The following SMARCA2 variants were observed in gnomAD, a reference collection of about 807,000 sequenced individuals.
The protein encoded by SMARCA2 is SWI/SNF-related matrix-associated actin-dependent regulator of chromatin subfamily A member 2.
A neutral mutation model predicts 199.8 loss-of-function variants in SMARCA2; 61 were observed. That is an observed-to-expected ratio of 0.31 (90% CI 0.25 to 0.38). The LOEUF is 0.38. Among genes scored for constraint, SMARCA2 ranks in the 10% least tolerant of loss-of-function variants. SMARCA2 has a pLI of 1.00. For synonymous variants in SMARCA2, 935 were observed against 732.0 expected, an observed-to-expected ratio of 1.28 and a Z score of -4.48; for missense variants, 1,344 against 2,012.2, an observed-to-expected ratio of 0.67 and a Z score of 6.35.
At chr9:2,160,619 G>A in intron 27 of SMARCA2, 1 of 702,212 alleles carries the variant, frequency 1.4e-6, no homozygotes, top group Non-Finnish European at 2.6e-6. Flanking sequence ...GAGAAATGAA[G>A]GTAATTGCCT....
chr9:2,157,583 A>C (rs570041553), intron 27 of SMARCA2: 1 of 278,696 alleles, frequency 3.6e-6, no homozygotes, highest in East Asian at 6.0e-5. Flanking sequence ...CACATGGAAG[A>C]AATTTCCATG....
At chr9:2,018,382 T>C (rs1215134616) in intron 1 of SMARCA2, among the ~76,000 whole-genome samples, 1 of 152,160 alleles carries the variant, frequency 6.6e-6, no homozygotes, top group African/African-American at 2.4e-5. Context: ...CCTAACCTGA[T>C]GGAGGTTGGT....
rs965262490 is a variant in SMARCA2 at position 2,193,026 on chromosome 9, G to A, written c.*287G>A. ...ATGTGGGTGGATAGTATATTTCTAT[G>A]GGTGGGTCTAATTTGGTAACGGTTT... On this transcript the variant is annotated 3_prime_UTR_variant, in exon 34 of 34. Coordinates refer to ENST00000349721, the MANE Select transcript of SMARCA2 (RefSeq NM_003070.5). 2.9e-5 allele frequency: 10 copies of A among 346,654 alleles called. No homozygotes were observed. Among genetic ancestry groups the A allele is most frequent in the Non-Finnish European group, 5.2e-5 (10 of 193,580 alleles). The allele number at this position is 346,654 out of a possible 1,614,324, so 21.5% of individuals were successfully genotyped here.
intron 23 of SMARCA2, among the ~76,000 whole-genome samples, chr9:2,109,245 A>G (rs756310907): frequency 5.3e-5 from 8 of 152,238 alleles, no homozygotes; most frequent in Non-Finnish European, 8.8e-5. Flanking sequence ...TGTAACATGC[A>G]TACATATTTC....
chr9:2,060,462 A>G (rs912778508), intron 8 of SMARCA2, among the ~76,000 whole-genome samples: 1 of 152,224 alleles, frequency 6.6e-6, no homozygotes, highest in African/African-American at 2.4e-5. Context: ...TCTAAAATAT[A>G]GAGTTAAAGA....
intron 27 of SMARCA2, among the ~76,000 whole-genome samples, chr9:2,129,457 G>A (rs1823843902): frequency 6.6e-6 from 1 of 152,132 alleles, no homozygotes; most frequent in South Asian, 2.1e-4. Flanking sequence ...AGCACAGCAT[G>A]CAGTCTGGGA....
intron 25 of SMARCA2, among the ~76,000 whole-genome samples, chr9:2,116,954 T>C (rs1456823608): frequency 6.6e-6 from 1 of 152,220 alleles, no homozygotes; most frequent in Admixed American, 6.5e-5. Flanking sequence ...TTAAATAGGA[T>C]ATGTGTTTTT....
intron 27 of SMARCA2, chr9:2,160,038 C>A: frequency 8.1e-7 from 1 of 1,229,472 alleles, no homozygotes; most frequent in Non-Finnish European, 1.1e-6. Context: ...TTGAGGAGAG[C>A]AATACCATTA....
intron 23 of SMARCA2, among the ~76,000 whole-genome samples, chr9:2,107,316 TATTTAATTTA>T (rs1472158458): frequency 6.6e-6 from 1 of 152,166 alleles, no homozygotes; most frequent in Non-Finnish European, 1.5e-5. Context: ...TTATACAGTT[TATTTAATTTA>T]ATTTTATTTT....
chr9:2,174,981 G>C (rs181028309), intron 29 of SMARCA2, among the ~76,000 whole-genome samples: 1 of 145,832 alleles, frequency 6.9e-6, no homozygotes, highest in Admixed American at 6.9e-5. Flanking sequence ...AAGGATCAAA[G>C]GACAGGATAT....
chr9:2,189,579 G>A (rs1462699037), intron 32 of SMARCA2, among the ~76,000 whole-genome samples: 3 of 151,732 alleles, frequency 2.0e-5, no homozygotes, highest in Admixed American at 1.3e-4. Context: ...TATTTCTTTC[G>A]ACGTCCTACA....
chr9:2,111,400 G>A (rs139150977), intron 24 of SMARCA2, among the ~76,000 whole-genome samples: 524 of 151,062 alleles, frequency 3.5e-3, no homozygotes, highest in African/African-American at 0.012. Context: ...GCTGAGGTGG[G>A]AGGATTGTTT....
chr9:2,038,250 T>C (rs1819419168), intron 3 of SMARCA2, among the ~76,000 whole-genome samples: 1 of 152,238 alleles, frequency 6.6e-6, no homozygotes, highest in South Asian at 2.1e-4. Flanking sequence ...TGGTTTACTC[T>C]CTGAGCCTCA....
chr9:2,074,620 A>AT (rs1179765561), intron 12 of SMARCA2, among the ~76,000 whole-genome samples: 2 of 152,252 alleles, frequency 1.3e-5, no homozygotes, highest in Non-Finnish European at 2.9e-5. Flanking sequence ...TAATCCCAGC[A>AT]TTTTGGGAAG....
At chr9:2,142,927 T>G (rs1824535404) in intron 27 of SMARCA2, among the ~76,000 whole-genome samples, 1 of 152,130 alleles carries the variant, frequency 6.6e-6, no homozygotes, top group African/African-American at 2.4e-5. Flanking sequence ...CATTGGTGAG[T>G]AAGGCATCAA....
At chr9:2,131,278 C>A (rs566350747) in intron 27 of SMARCA2, among the ~76,000 whole-genome samples, 1 of 152,136 alleles carries the variant, frequency 6.6e-6, no homozygotes, top group East Asian at 1.9e-4. Flanking sequence ...CTCTTGTTAC[C>A]TTTCTTACGG....
chr9:2,168,925 C>CAATCT (rs1381777707), intron 28 of SMARCA2, among the ~76,000 whole-genome samples: 2 of 152,132 alleles, frequency 1.3e-5, no homozygotes, highest in African/African-American at 4.8e-5. Flanking sequence ...GAGTTAGTTA[C>CAATCT]AATCTACTCT....
chr9:2,167,646 C>T (rs1826001663), intron 28 of SMARCA2, among the ~76,000 whole-genome samples: 1 of 152,188 alleles, frequency 6.6e-6, no homozygotes, highest in African/African-American at 2.4e-5. Context: ...TTCTTCTTGC[C>T]CCTAAATTTA....
Position 2,077,577 on chromosome 9 carries a change from A to G in SMARCA2, c.2037-52A>G, listed in dbSNP as rs1821381968. On this transcript the variant is annotated intron_variant, in intron 13 of 33. Transcript: ENST00000349721. ...AATCATTTTTTGAGTGAAGTAAAAC[A>G]ACACATGCACGCACATGTCTGTGTG... 1.5e-5 allele frequency: 23 copies of G among 1,563,060 alleles called. No individual in the cohort carries two copies. The South Asian group carries it at 2.4e-4, about 16-fold the overall frequency.
Sources: gnomAD v4.1 joint callset for allele counts (sites outside exome capture counted in the v4.1 genomes callset) on GRCh38, gnomAD v4.1.1 for gene constraint, MANE v1.5 for transcripts, NCBI Gene and HGNC (gene_info 2026-07-23, HGNC 2026-07-21) for gene names.